Variants in C5orf46 observed in about 807,000 individuals in gnomAD.
C5orf46 encodes chromosome 5 open reading frame 46, also known as uncharacterized protein C5orf46.
In C5orf46, 9 loss-of-function variants were observed where a neutral mutation model predicts 8.9. The observed-to-expected ratio is 1.01, with a 90% CI of 0.61 to 1.76. C5orf46 has a LOEUF of 1.76. Among genes scored for constraint, C5orf46 ranks in the 40% most tolerant of loss-of-function variants. The pLI is 0.00. For missense variants in C5orf46, 98 were observed against 107.8 expected (o/e 0.91, Z 0.40); for synonymous variants, 47 against 41.4 (o/e 1.14, Z -0.52).
chr5:147,905,441 T>C (rs1256099434), intron 1 of C5orf46, among the ~76,000 whole-genome samples: 1 of 152,198 alleles, frequency 6.6e-6, no homozygotes, highest in Non-Finnish European at 1.5e-5. Flanking sequence ...ACTGTAGTGA[T>C]TTCTTTAGGA....
intron 2 of C5orf46, among the ~76,000 whole-genome samples, chr5:147,897,927 G>T (rs532445502): frequency 6.6e-6 from 1 of 152,128 alleles, no homozygotes; most frequent in Non-Finnish European, 1.5e-5. Context: ...AGTCATTGGG[G>T]CTTCAGGTTG....
chr5:147,889,148 A>G (rs1757466609), downstream of C5orf46, among the ~76,000 whole-genome samples: 1 of 152,208 alleles, frequency 6.6e-6, no homozygotes, highest in Non-Finnish European at 1.5e-5. Flanking sequence ...CTGAAAAAAT[A>G]GAAATGATAT....
intron 2 of C5orf46, among the ~76,000 whole-genome samples, chr5:147,897,513 G>A (rs1023170515): frequency 2.0e-5 from 3 of 152,176 alleles, no homozygotes; most frequent in Non-Finnish European, 2.9e-5. Context: ...ATTACTAAAT[G>A]CTAGAAACAT....
intron 3 of C5orf46, among the ~76,000 whole-genome samples, chr5:147,895,186 G>A (rs759893421): frequency 6.6e-6 from 1 of 152,126 alleles, no homozygotes; most frequent in Non-Finnish European, 1.5e-5. Context: ...AGTTTAGGAG[G>A]CTGAGGTGGG....
At chr5:147,905,940 A>C (rs569027611) in intron 1 of C5orf46, among the ~76,000 whole-genome samples, 2 of 152,280 alleles carry the variant, frequency 1.3e-5, no homozygotes, top group South Asian at 4.2e-4. Flanking sequence ...GTACCCTTCC[A>C]ATTTGTTTCA....
At chr5:147,906,335 C>A in intron 1 of C5orf46, 97 bp downstream of exon 1, 1 of 679,802 alleles carries the variant, frequency 1.5e-6, no homozygotes, top group East Asian at 2.8e-5. Flanking sequence ...TGCCCAAAGA[C>A]CCCTTCTTTC....
chr5:147,887,670 T>C (rs923093040), intron 2 of C5orf46: 2 of 151,918 alleles, frequency 1.3e-5, no homozygotes, highest in Non-Finnish European at 2.9e-5. Flanking sequence ...CAAATAAACA[T>C]GGGTAAAAGG....
rs76968806 is a variant in C5orf46 at position 147,902,406 on chromosome 5, G to C, written c.71-633C>G. Reference sequence around the variant, plus strand: ...ATAGGGGCTGTAGTGAGCCATGATCGTTCCACTGCACTCCAAGCCTGGGTG... The same window carrying C: ...ATAGGGGCTGTAGTGAGCCATGATCCTTCCACTGCACTCCAAGCCTGGGTG... On this transcript the variant is annotated intron_variant, in intron 1 of 3. Transcript: ENST00000318315. 7.9e-5 allele frequency among the ~76,000 whole-genome samples: 12 copies of C among 152,134 alleles called. No homozygotes were observed. In the South Asian group the frequency reaches 2.3e-3, roughly 29 times the overall value.
In C5orf46 at chr5:147,898,647, G is replaced by A. The variant is rs1757620161; in HGVS notation, c.216-1606C>T. ...GAACCAAGCACGTTTGGAATTCTGA[G>A]GAACAATGACATTTGGAGGGCAGGT... On this transcript the variant is annotated intron_variant, in intron 2 of 3. Coordinates refer to ENST00000318315, the MANE Select transcript of C5orf46 (RefSeq NM_206966.3). 2.0e-5 allele frequency among the ~76,000 whole-genome samples: 3 copies of A among 152,086 alleles called. No individual in the cohort carries two copies. In the South Asian group the frequency reaches 6.2e-4, roughly 32 times the overall value.
downstream of C5orf46, among the ~76,000 whole-genome samples, chr5:147,888,759 A>AT (rs1216442612): frequency 2.0e-5 from 3 of 152,216 alleles, no homozygotes; most frequent in Non-Finnish European, 4.4e-5. Flanking sequence ...TTATCTGATG[A>AT]TTTTTTGTAT....
chr5:147,899,404 AT>A (rs1435559370), intron 2 of C5orf46, among the ~76,000 whole-genome samples: 1 of 152,060 alleles, frequency 6.6e-6, no homozygotes, highest in African/African-American at 2.4e-5. Flanking sequence ...TATGTTTTAG[AT>A]CCTGGCTCTA....
Position 147,896,035 on chromosome 5 carries a change from T to G in C5orf46, c.*9+949A>C, listed in dbSNP as rs1350083858. Among the ~76,000 whole-genome samples the G allele has an allele frequency of 2.0e-5, 3 of 152,226 alleles. No individual in the cohort carries two copies. In the East Asian group the frequency reaches 5.8e-4, roughly 29 times the overall value. ...AAACAGAAGTTGGGAAAGGCCATGCTTCCTGAATATGCAGATAAAGTAACT... is the reference window on the plus strand; with the variant it reads ...AAACAGAAGTTGGGAAAGGCCATGCGTCCTGAATATGCAGATAAAGTAACT... On this transcript the variant is annotated intron_variant, in intron 3 of 3. Coordinates refer to ENST00000318315, the MANE Select transcript of C5orf46 (RefSeq NM_206966.3).
At chr5:147,903,075 C>T (rs544429399) in intron 1 of C5orf46, among the ~76,000 whole-genome samples, 1 of 152,134 alleles carries the variant, frequency 6.6e-6, no homozygotes, top group African/African-American at 2.4e-5. Context: ...TATTCAAGGT[C>T]CCTTGGGGGC....
In C5orf46 at chr5:147,897,047, G is replaced by GA; in HGVS notation, c.216-7dup. 6 of 1,357,992 alleles carry GA rather than the reference G, an allele frequency of 4.4e-6. No homozygotes were observed. Among genetic ancestry groups the GA allele is most frequent in the South Asian group, 1.3e-5 (1 of 79,132 alleles). 84.1% of individuals were successfully genotyped at this position (1,357,992 alleles called of 1,614,324 possible). Reference sequence around the variant, plus strand: ...CATCAAATTCCATAAATCCTCTTGAGAAAAAAAGAGAAAATAAGAATTACA... The same window carrying GA: ...CATCAAATTCCATAAATCCTCTTGAGAAAAAAAAGAGAAAATAAGAATTACA... On this transcript the variant is annotated splice_polypyrimidine_tract_variant and splice_region_variant and intron_variant, in intron 2 of 3. Coordinates refer to ENST00000318315, the MANE Select transcript of C5orf46 (RefSeq NM_206966.3).
intron 3 of C5orf46, among the ~76,000 whole-genome samples, chr5:147,894,289 A>G (rs950856376): frequency 6.6e-6 from 1 of 152,204 alleles, no homozygotes; most frequent in African/African-American, 2.4e-5. Flanking sequence ...AAAAAAGATG[A>G]CTTGAATTCA....
chr5:147,887,864 T>C (rs950836869), downstream of C5orf46, among the ~76,000 whole-genome samples: 2 of 152,172 alleles, frequency 1.3e-5, no homozygotes, highest in African/African-American at 4.8e-5. Context: ...AGTGCATGAA[T>C]ATCCTGAGGA....
chr5:147,893,850 C>G (rs1757541441), intron 3 of C5orf46, among the ~76,000 whole-genome samples: 1 of 152,028 alleles, frequency 6.6e-6, no homozygotes, highest in African/African-American at 2.4e-5. Flanking sequence ...GCACTATGCC[C>G]AGCCATCACA....
At chr5:147,893,442 A>T (rs527872522) in intron 3 of C5orf46, among the ~76,000 whole-genome samples, 2 of 151,184 alleles carry the variant, frequency 1.3e-5, no homozygotes, top group South Asian at 4.2e-4. Context: ...CCGCTACCAC[A>T]CCTGGCTAAT....
At chr5:147,901,461 A>G (rs1757668000) in intron 2 of C5orf46, 168 bp downstream of exon 2, 2 of 577,684 alleles carry the variant, frequency 3.5e-6, no homozygotes, top group Admixed American at 7.1e-5. Flanking sequence ...AGGGCAGTTG[A>G]TTCAGATGCA....
Sources: gnomAD v4.1 joint callset for allele counts (sites outside exome capture counted in the v4.1 genomes callset) on GRCh38, gnomAD v4.1.1 for gene constraint, MANE v1.5 for transcripts, NCBI Gene and HGNC (gene_info 2026-07-23, HGNC 2026-07-21) for gene names.